The following SCRG1 variants were observed in gnomAD, a reference collection of about 807,000 sequenced individuals.
SCRG1 encodes the protein stimulator of chondrogenesis 1.
A neutral mutation model predicts 7.7 loss-of-function variants in SCRG1; 3 were observed. That is an observed-to-expected ratio of 0.39 (90% confidence interval 0.18 to 1.01). SCRG1 has a LOEUF of 1.01. Ranked by LOEUF, SCRG1 falls within the 50% of genes least tolerant of loss-of-function variation. The pLI, the probability that SCRG1 is intolerant of heterozygous loss-of-function variation, is 0.36. For synonymous variants in SCRG1, 46 were observed against 41.2 expected (o/e 1.12, Z -0.44); for missense variants, 110 against 117.2 (o/e 0.94, Z 0.28).
chr4:173,396,640 A>AT (rs1335614153), intron 1 of SCRG1, among the ~76,000 whole-genome samples: 22 of 150,976 alleles, frequency 1.5e-4, no homozygotes, highest in Non-Finnish European at 1.3e-4. Flanking sequence ...GCATAAGATC[A>AT]TTTTTTTGCC....
At chr4:173,394,720 C>G (rs1350687456) in intron 1 of SCRG1, among the ~76,000 whole-genome samples, 2 of 152,178 alleles carry the variant, frequency 1.3e-5, no homozygotes, top group African/African-American at 4.8e-5. Flanking sequence ...AAACTCTACA[C>G]TTTTAATTCT....
At chr4:173,426,184 T>C in the SCRG1 span, among the ~76,000 whole-genome samples, 2 of 152,384 alleles carry the variant, frequency 1.3e-5, no homozygotes, top group East Asian at 1.9e-4. Context: ...TTGGGCTTCC[T>C]GTTGTTTACC....
the SCRG1 span, among the ~76,000 whole-genome samples, chr4:173,509,881 G>T: frequency 6.6e-6 from 1 of 152,202 alleles, no homozygotes; most frequent in East Asian, 1.9e-4. The surrounding 1 kb of genome is among the most constrained non-coding windows in gnomAD (Gnocchi z 5.7). Flanking sequence ...TCACCCACAT[G>T]CCTGTTGACT....
chr4:173,410,878 AGGAGCAGCACATTG>A (rs1289423086), upstream of SCRG1, among the ~76,000 whole-genome samples: 1 of 152,210 alleles, frequency 6.6e-6, no homozygotes, highest in East Asian at 1.9e-4. Context: ...GTCATGACAA[AGGAGCAGCACATTG>A]GGAGCAGAGG....
chr4:173,460,033 C>A, the SCRG1 span, among the ~76,000 whole-genome samples: 1 of 152,192 alleles, frequency 6.6e-6, no homozygotes, highest in South Asian at 2.1e-4. Context: ...AAGGCTCCAC[C>A]TGTCGTCCCG....
chr4:173,452,253 A>C, the SCRG1 span, among the ~76,000 whole-genome samples: 432 of 152,280 alleles, frequency 2.8e-3, no homozygotes, highest in African/African-American at 9.9e-3. Context: ...AAAAAAAAAA[A>C]GAAAATCATA....
At chr4:173,503,679 T>C in the SCRG1 span, among the ~76,000 whole-genome samples, 1 of 152,202 alleles carries the variant, frequency 6.6e-6, no homozygotes, top group Non-Finnish European at 1.5e-5. This position sits in a 1 kb window ranked among gnomAD's most constrained non-coding sequence, Gnocchi z 6.4. Flanking sequence ...GTCAACATGC[T>C]GGAGACCACA....
the SCRG1 span, among the ~76,000 whole-genome samples, chr4:173,458,134 A>G: frequency 1.3e-5 from 2 of 152,288 alleles, no homozygotes; most frequent in African/African-American, 4.8e-5. Context: ...GACTGGCTGA[A>G]ATGATCCAAA....
chr4:173,419,610 T>C, the SCRG1 span: 1 of 725,360 alleles, frequency 1.4e-6, no homozygotes, highest in Non-Finnish European at 2.5e-6. Flanking sequence ...ATTCATTTGG[T>C]ACTGTGAGGG....
At chr4:173,407,413 T>C (rs1739938133), upstream of SCRG1, among the ~76,000 whole-genome samples, 1 of 151,518 alleles carries the variant, frequency 6.6e-6, no homozygotes, top group African/African-American at 2.4e-5. Context: ...CAGCGCCCTG[T>C]AGTCCCAGCT....
the SCRG1 span, among the ~76,000 whole-genome samples, chr4:173,437,769 A>G: frequency 6.6e-6 from 1 of 152,252 alleles, no homozygotes; most frequent in Non-Finnish European, 1.5e-5. Flanking sequence ...CAATTTAGAC[A>G]TAGTCCCCGC....
the SCRG1 span, among the ~76,000 whole-genome samples, chr4:173,480,458 G>A: frequency 3.9e-4 from 59 of 151,976 alleles, 1 homozygote; most frequent in African/African-American, 1.0e-3. Flanking sequence ...AAAGATGGAC[G>A]ACATGACAAT....
chr4:173,414,747 G>T, the SCRG1 span, among the ~76,000 whole-genome samples: 1 of 152,202 alleles, frequency 6.6e-6, no homozygotes, highest in Admixed American at 6.5e-5. Context: ...CTGTTGAAAA[G>T]AGTGTGTGCT....
chr4:173,508,950 G>A, the SCRG1 span, among the ~76,000 whole-genome samples: 3 of 152,208 alleles, frequency 2.0e-5, no homozygotes, highest in Admixed American at 6.5e-5. The surrounding 1 kb of genome is among the most constrained non-coding windows in gnomAD (Gnocchi z 4.4). Flanking sequence ...GCCGGGTGCC[G>A]AGGCGAGATA....
the SCRG1 span, among the ~76,000 whole-genome samples, chr4:173,511,774 T>C: frequency 6.6e-6 from 1 of 152,136 alleles, no homozygotes; most frequent in Non-Finnish European, 1.5e-5. This position sits in a 1 kb window ranked among gnomAD's most constrained non-coding sequence, Gnocchi z 5.2. Context: ...ATATATATTA[T>C]AATGTATATA....
chr4:173,461,920 T>C, the SCRG1 span, among the ~76,000 whole-genome samples: 1 of 151,614 alleles, frequency 6.6e-6, no homozygotes, highest in Non-Finnish European at 1.5e-5. Context: ...AAAAATGCAA[T>C]TGGCATACCG....
At chr4:173,511,957 G>A in the SCRG1 span, among the ~76,000 whole-genome samples, 98,745 of 151,996 alleles carry the variant, frequency 0.65, 32,665 homozygotes, top group Non-Finnish European at 0.73. This position sits in a 1 kb window ranked among gnomAD's most constrained non-coding sequence, Gnocchi z 5.2. Flanking sequence ...ATACGGTGCT[G>A]TCCAAGTCTA....
chr4:173,516,978 T>C, the SCRG1 span, among the ~76,000 whole-genome samples: 1 of 152,190 alleles, frequency 6.6e-6, no homozygotes, highest in Non-Finnish European at 1.5e-5. Flanking sequence ...AGAAATTTTG[T>C]GCGCCGTAGT....
At chr4:173,501,725 G>C in the SCRG1 span, among the ~76,000 whole-genome samples, 12 of 152,300 alleles carry the variant, frequency 7.9e-5, no homozygotes, top group East Asian at 2.1e-3. The surrounding 1 kb of genome is among the most constrained non-coding windows in gnomAD (Gnocchi z 5.1). Context: ...CAGAGGCATG[G>C]GTTATCTAGG....
Sources: allele counts gnomAD v4.1 joint callset (sites outside exome capture counted in the v4.1 genomes callset), GRCh38; gene constraint gnomAD v4.1.1; non-coding constraint Gnocchi (gnomAD v3.1); transcripts MANE v1.5; gene names NCBI Gene and HGNC (gene_info 2026-07-23, HGNC 2026-07-21).